ANO3: variants seen among roughly 807,000 people sequenced by gnomAD.
ANO3 encodes the protein anoctamin-3.
ANO3 carries 99 observed loss-of-function variants against 144.8 expected under a neutral mutation model. The observed-to-expected ratio is 0.68, with a 90% confidence interval of 0.58 to 0.81. ANO3 has a LOEUF of 0.81. Among genes scored for constraint, ANO3 ranks in the 30% least tolerant of loss-of-function variants. The pLI is 0.00. For synonymous variants in ANO3, 414 were observed against 392.6 expected, an observed-to-expected ratio of 1.05 and a Z score of -0.64; for missense variants, 905 against 1,202.2, an observed-to-expected ratio of 0.75 and a Z score of 3.66.
chr11:26,402,395 G>A (rs1857169509), intron 1 of ANO3, among the ~76,000 whole-genome samples: 1 of 151,954 alleles, frequency 6.6e-6, no homozygotes, highest in South Asian at 2.1e-4. Context: ...GATTAATGAT[G>A]TTCAGCTTTT....
At chr11:26,379,834 T>C (rs1057356772) in intron 1 of ANO3, among the ~76,000 whole-genome samples, 1 of 152,008 alleles carries the variant, frequency 6.6e-6, no homozygotes, top group Non-Finnish European at 1.5e-5. Flanking sequence ...CATTTATTGG[T>C]AGTAGAGTTG....
rs550931609 is a variant in ANO3, at chr11:26,569,009, G to T, written c.1447+9230G>T. ...CTTCCTAATAAAGTGGTCACCAGTG[G>T]GGGGAAAAATGTCCTTAGCTGTTCT... On this transcript the variant is annotated intron_variant, in intron 14 of 26. Transcript: ENST00000256737. Among the ~76,000 whole-genome samples the T allele has an allele frequency of 7.9e-5, 12 of 152,020 alleles. No homozygotes were observed. The South Asian group carries it at 2.5e-3, about 32-fold the overall frequency.
At chr11:26,444,188 C>A (rs1331533973) in intron 3 of ANO3, among the ~76,000 whole-genome samples, 1 of 152,036 alleles carries the variant, frequency 6.6e-6, no homozygotes, top group Admixed American at 6.6e-5. Flanking sequence ...CTATCCTGGC[C>A]CATCATTAGT....
intron 8 of ANO3, among the ~76,000 whole-genome samples, chr11:26,532,723 A>G (rs565219938): frequency 6.6e-6 from 1 of 151,758 alleles, no homozygotes; most frequent in Non-Finnish European, 1.5e-5. Flanking sequence ...CCAAATCTTC[A>G]TATGGCGTAG....
At chr11:26,505,532 T>C (rs1026152893) in intron 4 of ANO3, among the ~76,000 whole-genome samples, 5 of 152,132 alleles carry the variant, frequency 3.3e-5, no homozygotes, top group Admixed American at 2.0e-4. Flanking sequence ...AGATAACCAG[T>C]GAATAGTTAA....
intron 14 of ANO3, chr11:26,565,617 C>T: frequency 6.2e-7 from 1 of 1,612,676 alleles, no homozygotes; most frequent in South Asian, 1.1e-5. Context: ...TATTCCGTGG[C>T]TGTTGTTGGG....
At chr11:26,491,935 A>G (rs1324269594) in intron 4 of ANO3, among the ~76,000 whole-genome samples, 1 of 152,242 alleles carries the variant, frequency 6.6e-6, no homozygotes. Flanking sequence ...AAGGAAACTT[A>G]ATTTGTCCGT....
intron 4 of ANO3, among the ~76,000 whole-genome samples, chr11:26,476,934 A>T (rs10082666): frequency 0.31 from 35,575 of 116,538 alleles, 5,080 homozygotes; most frequent in East Asian, 0.54. Flanking sequence ...TGTGTGTGTG[A>T]GAGAGAGAGA....
intron 1 of ANO3, among the ~76,000 whole-genome samples, chr11:26,396,434 C>T (rs1334424067): frequency 6.6e-6 from 1 of 152,102 alleles, no homozygotes; most frequent in Non-Finnish European, 1.5e-5. Flanking sequence ...CCCAGCAGTC[C>T]CATTACTGGG....
intron 4 of ANO3, among the ~76,000 whole-genome samples, chr11:26,472,076 A>C (rs2134072514): frequency 6.6e-6 from 1 of 152,090 alleles, no homozygotes; most frequent in South Asian, 2.1e-4. Flanking sequence ...TGGGCATTCC[A>C]GTTAAATGGT....
rs183111650 is a variant in ANO3 at position 26,368,045 on chromosome 11, G to A, written c.46+35724G>A. ...ACAATTCAACATGAGATATGGATGA[G>A]GACAAACATTCAAACTGTATCACTC... On this transcript the variant is annotated intron_variant, in intron 1 of 26. Transcript: ENST00000256737. 2.6e-3 allele frequency among the ~76,000 whole-genome samples: 394 copies of A among 152,266 alleles called. 2 individuals are homozygous for A. Among genetic ancestry groups the A allele is most frequent in the Non-Finnish European group, 4.6e-3 (315 of 68,012 alleles).
chr11:26,275,647 G>C (rs1245449492), intron 1 of ANO3, among the ~76,000 whole-genome samples: 1 of 152,126 alleles, frequency 6.6e-6, no homozygotes, highest in Non-Finnish European at 1.5e-5. Context: ...TCAGAGGTTA[G>C]CTTTTCACCT....
intron 1 of ANO3, among the ~76,000 whole-genome samples, chr11:26,318,812 G>A (rs1282189838): frequency 6.6e-6 from 1 of 152,180 alleles, no homozygotes; most frequent in Non-Finnish European, 1.5e-5. Flanking sequence ...GGTTCCTACT[G>A]AGGAATATGG....
At chr11:26,234,351 C>T (rs1287999532) in intron 1 of ANO3, among the ~76,000 whole-genome samples, 1 of 151,946 alleles carries the variant, frequency 6.6e-6, no homozygotes, top group Non-Finnish European at 1.5e-5. Flanking sequence ...TTAGATATGC[C>T]ATATATTTTA....
intron 1 of ANO3, among the ~76,000 whole-genome samples, chr11:26,261,910 C>T (rs987993228): frequency 6.6e-6 from 1 of 152,136 alleles, no homozygotes; most frequent in Non-Finnish European, 1.5e-5. Context: ...TATGCTTTCT[C>T]TTAAAATAAA....
intron 7 of ANO3, among the ~76,000 whole-genome samples, chr11:26,527,244 A>G (rs1429714031): frequency 2.6e-5 from 4 of 152,166 alleles, no homozygotes; most frequent in Non-Finnish European, 5.9e-5. Context: ...CAAATGTAAA[A>G]GTAAACTAGA....
intron 14 of ANO3, among the ~76,000 whole-genome samples, chr11:26,575,444 G>C (rs1469735533): frequency 6.6e-6 from 1 of 151,812 alleles, no homozygotes; most frequent in African/African-American, 2.4e-5. Flanking sequence ...TTTTGAAGTA[G>C]AAATTGGATG....
intron 23 of ANO3, among the ~76,000 whole-genome samples, chr11:26,644,767 A>G (rs1293548567): frequency 6.6e-6 from 1 of 151,166 alleles, no homozygotes; most frequent in East Asian, 2.0e-4. Flanking sequence ...TTTGGTGGCC[A>G]TTGAATCTGA....
intron 4 of ANO3, among the ~76,000 whole-genome samples, chr11:26,467,214 A>T (rs1449233864): frequency 2.0e-5 from 3 of 151,956 alleles, no homozygotes; most frequent in African/African-American, 7.2e-5. Flanking sequence ...GGATATATTG[A>T]TACAGGCATA....
Sources: allele counts gnomAD v4.1 joint callset (sites outside exome capture counted in the v4.1 genomes callset), GRCh38; gene constraint gnomAD v4.1.1; transcripts MANE v1.5; gene names NCBI Gene and HGNC (gene_info 2026-07-23, HGNC 2026-07-21).